Variants in GOLM1 observed in about 807,000 individuals in gnomAD.
The protein encoded by GOLM1 is epididymis luminal protein 46.
GOLM1 carries 31 observed loss-of-function variants against 50.5 expected under a neutral mutation model. That is an observed-to-expected ratio of 0.61 (90% CI 0.46 to 0.83). The LOEUF (loss-of-function observed/expected upper bound fraction) is 0.83, where lower values mean the gene tolerates loss of function less well. Ranked by LOEUF, GOLM1 falls within the 40% of genes least tolerant of loss-of-function variation. The pLI, the probability that GOLM1 is intolerant of heterozygous loss-of-function variation, is 0.00. For synonymous variants in GOLM1, 178 were observed against 192.8 expected (o/e 0.92, Z 0.64); for missense variants, 491 against 501.3 (o/e 0.98, Z 0.20).
intron 1 of GOLM1, among the ~76,000 whole-genome samples, chr9:86,087,668 C>T (rs1050354301): frequency 3.9e-5 from 6 of 152,114 alleles, no homozygotes; most frequent in African/African-American, 1.4e-4. Flanking sequence ...GGAATTTGAT[C>T]GAAGGCCTTT....
At chr9:86,056,354 T>C (rs898006584) in intron 3 of GOLM1, among the ~76,000 whole-genome samples, 5 of 151,778 alleles carry the variant, frequency 3.3e-5, no homozygotes, top group African/African-American at 9.7e-5. Context: ...CAAGATCTTT[T>C]ATATATAATT....
At chr9:86,097,059 G>C (rs2118917932) in intron 1 of GOLM1, among the ~76,000 whole-genome samples, 1 of 132,924 alleles carries the variant, frequency 7.5e-6, no homozygotes, top group East Asian at 2.3e-4. Context: ...AATCTGAGAA[G>C]GCATGGACTT....
intron 6 of GOLM1, among the ~76,000 whole-genome samples, chr9:86,037,683 G>A (rs979945182): frequency 6.6e-6 from 1 of 152,152 alleles, no homozygotes; most frequent in Non-Finnish European, 1.5e-5. Flanking sequence ...GGAGAGGTGA[G>A]GACAGAGTGT....
At chr9:86,086,767 G>A (rs756691776) in intron 1 of GOLM1, among the ~76,000 whole-genome samples, 3 of 152,154 alleles carry the variant, frequency 2.0e-5, no homozygotes, top group Non-Finnish European at 4.4e-5. Flanking sequence ...GGTTGTAGAT[G>A]TGTGGCATTC....
At chr9:86,069,882 CA>C (rs1224688152) in intron 3 of GOLM1, among the ~76,000 whole-genome samples, 2 of 134,888 alleles carry the variant, frequency 1.5e-5, no homozygotes, top group African/African-American at 6.9e-5. Context: ...GGCTCAAAGC[CA>C]ATCTTTTTTT....
chr9:86,094,274 C>A (rs897943394), intron 1 of GOLM1, among the ~76,000 whole-genome samples: 3 of 152,170 alleles, frequency 2.0e-5, no homozygotes, highest in Non-Finnish European at 4.4e-5. Context: ...GACTCACAGA[C>A]CAACTCTGCC....
chr9:86,072,257 A>C (rs1834471190), intron 3 of GOLM1, among the ~76,000 whole-genome samples: 1 of 152,200 alleles, frequency 6.6e-6, no homozygotes, highest in Admixed American at 6.5e-5. Context: ...TGTATTTATG[A>C]TGTTTTTTGC....
intron 3 of GOLM1, among the ~76,000 whole-genome samples, chr9:86,068,277 T>C (rs1261877589): frequency 6.6e-6 from 1 of 152,244 alleles, no homozygotes; most frequent in African/African-American, 2.4e-5. Context: ...CCCACAGCCC[T>C]GCTGGCACCT....
rs1157260470 is a variant in GOLM1, at chr9:86,088,420, G to GTGTGCATA, written c.-21-9080_-21-9079insTATGCACA. 4.4e-3 allele frequency among the ~76,000 whole-genome samples: 379 copies of GTGTGCATA among 86,302 alleles called. 8 individuals carry two copies. The highest frequency in any genetic ancestry group is 0.019 in the African/African-American group (339 of 17,418). 56.6% of individuals were successfully genotyped at this position (86,302 alleles called of 152,430 possible). On this transcript the variant is annotated intron_variant, in intron 1 of 9. Transcript: ENST00000388712. ...TGGATTCGTTGTTTTTTTGAAGGGTGTATATATATATATATATATATATAT... is the reference window on the plus strand; with the variant it reads ...TGGATTCGTTGTTTTTTTGAAGGGTGTGTGCATATATATATATATATATATATATATAT...
chr9:86,097,679 A>G (rs1338822575), intron 1 of GOLM1, among the ~76,000 whole-genome samples: 1 of 152,082 alleles, frequency 6.6e-6, no homozygotes, highest in East Asian at 1.9e-4. Context: ...GTGATGCTCC[A>G]CCCTTCCTAC....
At chr9:86,065,877 TA>T (rs1834294065) in intron 3 of GOLM1, among the ~76,000 whole-genome samples, 1 of 151,926 alleles carries the variant, frequency 6.6e-6, no homozygotes, top group Non-Finnish European at 1.5e-5. Context: ...CCATCTCTAC[TA>T]AAAATACAAA....
chr9:86,053,270 A>T (rs1833834100), intron 3 of GOLM1, among the ~76,000 whole-genome samples: 1 of 130,990 alleles, frequency 7.6e-6, no homozygotes, highest in Non-Finnish European at 1.6e-5. Flanking sequence ...ACAACGCCAG[A>T]CCACACCACA....
intron 8 of GOLM1, chr9:86,034,868 TTAAAAA>T (rs1833085227): frequency 1.6e-5 from 5 of 311,106 alleles, no homozygotes; most frequent in Non-Finnish European, 2.3e-5. Flanking sequence ...CTTTATTTCT[TTAAAAA>T]GAAAAGAGTC....
chr9:86,055,257 C>T (rs956200559), intron 3 of GOLM1, among the ~76,000 whole-genome samples: 8 of 151,990 alleles, frequency 5.3e-5, no homozygotes, highest in South Asian at 2.1e-4. Flanking sequence ...AAAGATAATC[C>T]GAAGGGGTGT....
chr9:86,041,792 C>T (rs778172032), intron 5 of GOLM1, among the ~76,000 whole-genome samples: 1 of 152,112 alleles, frequency 6.6e-6, no homozygotes, highest in Non-Finnish European at 1.5e-5. Context: ...AGCCCCTTAA[C>T]CTAGGGGGTC....
At chr9:86,085,087 T>A (rs1402305660) in intron 1 of GOLM1, 4 of 151,928 alleles carry the variant, frequency 2.6e-5, no homozygotes, top group Admixed American at 2.6e-4. Context: ...ACAAAAAAAA[T>A]TTTCCTTCTT....
intron 9 of GOLM1, among the ~76,000 whole-genome samples, chr9:86,031,865 G>T (rs1448983756): frequency 6.8e-6 from 1 of 146,200 alleles, no homozygotes; most frequent in Non-Finnish European, 1.5e-5. Flanking sequence ...ACGCCAGGTT[G>T]CAGTCAGCCA....
intron 5 of GOLM1, among the ~76,000 whole-genome samples, chr9:86,045,644 C>T (rs573004340): frequency 4.0e-5 from 6 of 148,540 alleles, no homozygotes; most frequent in African/African-American, 5.1e-5. Context: ...CACTGCACTC[C>T]AGCATGGGGG....
intron 1 of GOLM1, chr9:86,084,874 C>G (rs891099623): frequency 2.6e-5 from 4 of 152,128 alleles, no homozygotes; most frequent in Non-Finnish European, 5.9e-5. Context: ...ATGGTGAAAC[C>G]CCATCTCTAC....
Sources: gnomAD v4.1 joint callset for allele counts (sites outside exome capture counted in the v4.1 genomes callset) on GRCh38, gnomAD v4.1.1 for gene constraint, MANE v1.5 for transcripts, NCBI Gene and HGNC (gene_info 2026-07-23, HGNC 2026-07-21) for gene names.